Variants in PARD3B observed in about 807,000 individuals in gnomAD.
The protein encoded by PARD3B is partitioning defective 3 homolog B.
Under a neutral mutation model 130.2 loss-of-function variants are expected in PARD3B, and 103 were observed. The observed-to-expected ratio is 0.79, with a 90% CI of 0.67 to 0.93. The LOEUF is 0.93. Ranked by LOEUF, PARD3B falls within the 40% of genes least tolerant of loss-of-function variation. PARD3B has a pLI of 0.00. For missense variants in PARD3B, 1,609 were observed against 1,499.2 expected (o/e 1.07, Z -1.21); for synonymous variants, 583 against 553.2 (o/e 1.05, Z -0.76).
At chr2:205,484,695 A>G (rs1460284898) in intron 20 of PARD3B, among the ~76,000 whole-genome samples, 1 of 152,234 alleles carries the variant, frequency 6.6e-6, no homozygotes, top group African/African-American at 2.4e-5. Context: ...TATAGATTAC[A>G]GATCAGACAG....
chr2:205,301,918 A>T lies in PARD3B; in HGVS notation c.2630+217A>T, dbSNP rs1190421847. 2.6e-6 allele frequency: 2 copies of T among 765,270 alleles called. No homozygotes were observed. The highest frequency in any genetic ancestry group is 2.9e-5 in the South Asian group (2 of 69,242). 47.4% of individuals were successfully genotyped at this position (765,270 alleles called of 1,614,324 possible). ...AGGACACTGTCTTAAGTTTGTTGTC[A>T]AAGAAAGGTCAACACTATGCCAGGC... On this transcript the variant is annotated intron_variant, in intron 18 of 22. Coordinates refer to ENST00000406610, the MANE Select transcript of PARD3B (RefSeq NM_001302769.2). The surrounding 1 kb of genome is among the most constrained non-coding windows in gnomAD (Gnocchi z 5.2).
In PARD3B at chr2:205,158,846, A is replaced by G; in HGVS notation, c.1559A>G (p.Glu520Gly). 6.2e-7 allele frequency: 1 copy of G among 1,614,144 alleles called. No individual in the cohort carries two copies. The highest frequency in any genetic ancestry group is 8.5e-7 in the Non-Finnish European group (1 of 1,180,020). ...AGCTTAAAAGGGAACAAATCCAGAG[A>G]AACTGGAACAGACTTGGGGATTTTT... ...GVSLKGNKSR[E>G]TGTDLGIFIK... is the part of the protein sequence containing the mutation. Residue 520 changes from glutamate (E) to glycine (G), a missense_variant, in exon 11 of 23, where the codon GAA becomes GGA. Glu to Gly is a moderately conservative substitution (Grantham distance 98, BLOSUM62 -2). Coordinates refer to ENST00000406610, the MANE Select transcript of PARD3B (RefSeq NM_001302769.2). This position sits in a 1 kb window ranked among gnomAD's most constrained non-coding sequence, Gnocchi z 5.4.
In PARD3B at chr2:205,485,707, T is replaced by C. The variant is rs143964213; in HGVS notation, c.3045-14189T>C. ...GGGGCTGTTAAGGTCCTACCAGCTG[T>C]ATTTCCCAGTTTCTCCACACATTCC... is the stretch of plus-strand genomic sequence containing the variant. On this transcript the variant is annotated intron_variant, in intron 20 of 22. Coordinates refer to ENST00000406610, the MANE Select transcript of PARD3B (RefSeq NM_001302769.2). Among the ~76,000 whole-genome samples the C allele has an allele frequency of 2.5e-3, 388 of 152,282 alleles. 2 individuals carry two copies. The highest frequency in any genetic ancestry group is 4.8e-3 in the Non-Finnish European group (328 of 68,016).
chr2:204,647,920 A>G (rs938140271), intron 1 of PARD3B, among the ~76,000 whole-genome samples: 1 of 151,646 alleles, frequency 6.6e-6, no homozygotes, highest in African/African-American at 2.4e-5. Flanking sequence ...GAGTCTACAC[A>G]TTATTTTGCC....
intron 2 of PARD3B, among the ~76,000 whole-genome samples, chr2:204,961,466 A>G (rs1357937802): frequency 1.3e-5 from 2 of 152,166 alleles, no homozygotes; most frequent in Admixed American, 6.6e-5. Flanking sequence ...GTAAAGAGCT[A>G]TGGAAAGAGC....
chr2:205,137,203 A>G (rs906071005), intron 10 of PARD3B, among the ~76,000 whole-genome samples: 3 of 152,142 alleles, frequency 2.0e-5, no homozygotes, highest in African/African-American at 7.2e-5. Flanking sequence ...AAGTCAAAAG[A>G]CTTTAAAAGT....
intron 20 of PARD3B, among the ~76,000 whole-genome samples, chr2:205,484,389 C>T (rs898511797): frequency 6.6e-6 from 1 of 152,106 alleles, no homozygotes; most frequent in Admixed American, 6.6e-5. Flanking sequence ...TGCCTTTTGG[C>T]CTTTTTTCTT....
intron 11 of PARD3B, among the ~76,000 whole-genome samples, chr2:205,164,651 C>G (rs762795428): frequency 3.3e-5 from 5 of 151,646 alleles, no homozygotes; most frequent in Non-Finnish European, 7.4e-5. Flanking sequence ...CCGTGATTGT[C>G]TCAGTGGGCT....
intron 10 of PARD3B, among the ~76,000 whole-genome samples, chr2:205,144,884 T>G (rs2033236358): frequency 6.6e-6 from 1 of 152,232 alleles, no homozygotes; most frequent in South Asian, 2.1e-4. Flanking sequence ...TTTTATTGTT[T>G]GATTTTCTTA....
chr2:205,185,260 G>A (rs961291938), intron 13 of PARD3B, among the ~76,000 whole-genome samples: 7 of 143,858 alleles, frequency 4.9e-5, no homozygotes, highest in Non-Finnish European at 9.1e-5. Flanking sequence ...ACGTTTGTGT[G>A]TTTGTGTGTG....
chr2:205,082,368 AT>A (rs1701470035), intron 4 of PARD3B, among the ~76,000 whole-genome samples: 1 of 152,196 alleles, frequency 6.6e-6, no homozygotes, highest in Admixed American at 6.5e-5. Flanking sequence ...GCACAGTAAG[AT>A]TAACAGCACT....
intron 4 of PARD3B, among the ~76,000 whole-genome samples, chr2:205,074,913 A>G (rs7598822): frequency 0.013 from 2,037 of 152,300 alleles, 33 homozygotes; most frequent in African/African-American, 0.045. Flanking sequence ...ATGATCCAAT[A>G]TCAGTTTAAA....
intron 2 of PARD3B, among the ~76,000 whole-genome samples, chr2:204,845,024 G>A (rs974764105): frequency 3.3e-5 from 5 of 152,116 alleles, no homozygotes; most frequent in African/African-American, 1.2e-4. Context: ...CTCTCACAGA[G>A]TATATATCTT....
intron 22 of PARD3B, among the ~76,000 whole-genome samples, chr2:205,611,417 C>G (rs528996206): frequency 5.9e-5 from 9 of 152,180 alleles, no homozygotes; most frequent in East Asian, 1.9e-4. Context: ...TTCCAGCCCC[C>G]CTTTTGCTTA....
At chr2:205,399,965 G>A (rs2046190183) in intron 18 of PARD3B, among the ~76,000 whole-genome samples, 1 of 152,092 alleles carries the variant, frequency 6.6e-6, no homozygotes, top group African/African-American at 2.4e-5. Flanking sequence ...CTGGTGGGAG[G>A]TCTTGGTCAA....
At position 204,686,250 on chromosome 2, in the gene PARD3B, G is replaced by A. The variant is rs1308443650; in HGVS notation, c.190G>A (p.Val64Ile). 1.9e-6 allele frequency: 3 copies of A among 1,612,326 alleles called. No homozygotes were observed. Among genetic ancestry groups the A allele is most frequent in the Non-Finnish European group, 2.5e-6 (3 of 1,178,660 alleles). Reference sequence around the variant, plus strand: ...TGGAGGAATCCTGGATCCAGATGATGTCTTGGCAGATGTTGTTGAAGATAA... The same window carrying A: ...TGGAGGAATCCTGGATCCAGATGATATCTTGGCAGATGTTGTTGAAGATAA... Reference protein sequence around the residue: ...TDGGILDPDDVLADVVEDKDK... With the variant: ...TDGGILDPDDILADVVEDKDK... Residue 64 changes from valine to isoleucine, a missense_variant, in exon 2 of 23, where the codon GTC becomes ATC. By Grantham distance (29) the Val-to-Ile change is conservative (BLOSUM62 3). Transcript: ENST00000406610.
chr2:205,474,371 A>G (rs2048953891), intron 20 of PARD3B, among the ~76,000 whole-genome samples: 1 of 152,104 alleles, frequency 6.6e-6, no homozygotes, highest in Non-Finnish European at 1.5e-5. Flanking sequence ...CACTGCATAT[A>G]AAATATATCA....
intron 1 of PARD3B, among the ~76,000 whole-genome samples, chr2:204,640,594 G>A (rs1574600595): frequency 2.6e-5 from 4 of 152,282 alleles, no homozygotes; most frequent in Admixed American, 2.6e-4. Context: ...CTAGACCTGA[G>A]ATACTGCACT....
At chr2:205,153,570 A>T (rs1053168964) in intron 10 of PARD3B, among the ~76,000 whole-genome samples, 2 of 152,218 alleles carry the variant, frequency 1.3e-5, no homozygotes, top group African/African-American at 2.4e-5. Context: ...GGAACCAAAA[A>T]AGAGCCCACA....
Sources: gnomAD v4.1 joint callset for allele counts (sites outside exome capture counted in the v4.1 genomes callset) on GRCh38, gnomAD v4.1.1 for gene constraint, Gnocchi (gnomAD v3.1) non-coding constraint, MANE v1.5 for transcripts, NCBI Gene and HGNC (gene_info 2026-07-23, HGNC 2026-07-21) for gene names.